Variants in AMMECR1 observed in about 807,000 individuals in gnomAD.
AMMECR1 encodes the protein nuclear protein AMMECR1.
A neutral mutation model predicts 22.5 loss-of-function variants in AMMECR1; 3 were observed. The observed-to-expected ratio is 0.13, with a 90% confidence interval of 0.06 to 0.35. The LOEUF (loss-of-function observed/expected upper bound fraction) is 0.35. AMMECR1 is among the 10% of genes least tolerant of loss of function. AMMECR1 has a pLI of 1.00. For synonymous variants in AMMECR1, 130 were observed against 116.7 expected (o/e 1.11, Z -0.74); for missense variants, 235 against 278.7 (o/e 0.84, Z 1.12).
intron 2 of AMMECR1, among the ~76,000 whole-genome samples, chrX:110,229,030 T>C (rs1303639912): frequency 8.9e-6 from 1 of 112,546 alleles, no homozygotes; most frequent in Non-Finnish European, 1.9e-5. Flanking sequence ...CAGGGCAAGA[T>C]AATCTCAACA....
At chrX:110,362,559 T>A (rs943388321) in intron 2 of AMMECR1, among the ~76,000 whole-genome samples, 3 of 112,476 alleles carry the variant, frequency 2.7e-5, no homozygotes, top group Middle Eastern at 4.6e-3. Flanking sequence ...GTTACTCTTA[T>A]GATATGAGAT....
At chrX:110,362,554 T>G (rs1264666249) in intron 2 of AMMECR1, among the ~76,000 whole-genome samples, 1 of 112,492 alleles carries the variant, frequency 8.9e-6, no homozygotes, top group Non-Finnish European at 1.9e-5. Flanking sequence ...CGACTGTTAC[T>G]CTTATGATAT....
chrX:110,306,295 AAAAAT>A (rs1401903123), intron 1 of AMMECR1, among the ~76,000 whole-genome samples: 2 of 110,839 alleles, frequency 1.8e-5, no homozygotes, highest in East Asian at 2.8e-4. Flanking sequence ...CTCCGTCTCG[AAAAAT>A]AAAATAAAAT....
intron 2 of AMMECR1, among the ~76,000 whole-genome samples, chrX:110,233,481 A>T (rs1483612938): frequency 5.3e-5 from 6 of 112,238 alleles, no homozygotes; most frequent in African/African-American, 1.9e-4. Context: ...AACTCATCTT[A>T]TGCGGTCAAC....
intron 2 of AMMECR1, among the ~76,000 whole-genome samples, chrX:110,333,481 G>T (rs983586142): frequency 1.8e-5 from 2 of 111,434 alleles, no homozygotes; most frequent in Admixed American, 9.5e-5. Context: ...CCATTACTGG[G>T]TATATACCCA....
chrX:110,397,011 C>T (rs776481210), intron 2 of AMMECR1, among the ~76,000 whole-genome samples: 12 of 111,838 alleles, frequency 1.1e-4, no homozygotes, highest in Non-Finnish European at 2.1e-4. Flanking sequence ...GAGCTGACTC[C>T]GGAGCCCACA....
intron 2 of AMMECR1, among the ~76,000 whole-genome samples, chrX:110,264,260 C>T (rs1263103196): frequency 2.1e-4 from 23 of 110,592 alleles, no homozygotes; most frequent in African/African-American, 7.2e-4. Flanking sequence ...AAAAACACTT[C>T]AAAACATCGA....
At chrX:110,224,929 A>G (rs1040444511) in intron 2 of AMMECR1, 10 of 340,072 alleles carry the variant, frequency 2.9e-5, no homozygotes, top group Non-Finnish European at 5.6e-5. Flanking sequence ...AGCAGTCTCC[A>G]AGCTGTTTTT....
At chrX:110,236,915 A>G (rs1444896876) in intron 2 of AMMECR1, among the ~76,000 whole-genome samples, 2 of 111,441 alleles carry the variant, frequency 1.8e-5, no homozygotes, top group Non-Finnish European at 3.8e-5. Flanking sequence ...GTTTGGCAAC[A>G]TTTTTCTATC....
chrX:110,390,508 A>C (rs1430967302), intron 2 of AMMECR1, among the ~76,000 whole-genome samples: 2 of 111,806 alleles, frequency 1.8e-5, no homozygotes, highest in African/African-American at 6.5e-5. Flanking sequence ...TTTTATCTTG[A>C]AATCAGATCT....
intron 2 of AMMECR1, among the ~76,000 whole-genome samples, chrX:110,367,695 C>G (rs938990501): frequency 9.0e-6 from 1 of 111,367 alleles, no homozygotes; most frequent in East Asian, 2.8e-4. Context: ...TCTCCCACAG[C>G]CTTCTTTATC....
chrX:110,399,126 C>T (rs1302547736), intron 2 of AMMECR1, among the ~76,000 whole-genome samples: 1 of 112,022 alleles, frequency 8.9e-6, no homozygotes, highest in Non-Finnish European at 1.9e-5. Flanking sequence ...ACAATGGACT[C>T]ACAATAACAA....
At chrX:110,294,509 T>A (rs2067924996) in intron 1 of AMMECR1, among the ~76,000 whole-genome samples, 1 of 111,985 alleles carries the variant, frequency 8.9e-6, no homozygotes, top group Non-Finnish European at 1.9e-5. Flanking sequence ...TCCCTGATCC[T>A]GACAGCCAGC....
At chrX:110,357,259 T>C in intron 2 of AMMECR1, among the ~76,000 whole-genome samples, 1 of 112,377 alleles carries the variant, frequency 8.9e-6, no homozygotes, top group Non-Finnish European at 1.9e-5. Context: ...GTATCTAATA[T>C]GTTTCACAGC....
At chrX:110,344,758 T>C (rs1434713227) in intron 2 of AMMECR1, among the ~76,000 whole-genome samples, 1 of 111,626 alleles carries the variant, frequency 9.0e-6, no homozygotes, top group Admixed American at 9.5e-5. Context: ...TCATCATCAC[T>C]GGCCATCAGA....
At chrX:110,330,069 A>T (rs2068114610) in intron 2 of AMMECR1, among the ~76,000 whole-genome samples, 1 of 111,704 alleles carries the variant, frequency 9.0e-6, no homozygotes, top group African/African-American at 3.3e-5. Context: ...TATGATTTTC[A>T]GCCTCAGCTG....
chrX:110,207,929 G>T (rs2067429568), intron 3 of AMMECR1, among the ~76,000 whole-genome samples: 1 of 111,185 alleles, frequency 9.0e-6, no homozygotes, highest in African/African-American at 3.3e-5. Flanking sequence ...GAAGCCAGGA[G>T]TCTGAGACCA....
intron 3 of AMMECR1, among the ~76,000 whole-genome samples, chrX:110,213,837 G>A (rs2067459237): frequency 1.8e-5 from 2 of 110,971 alleles, no homozygotes; most frequent in South Asian, 3.8e-4. Flanking sequence ...CTTATTCGTT[G>A]TATACAAATT....
intron 1 of AMMECR1, among the ~76,000 whole-genome samples, chrX:110,315,097 T>C (rs2068042130): frequency 8.9e-6 from 1 of 112,133 alleles, no homozygotes; most frequent in Admixed American, 9.4e-5. Context: ...ATATGTCTGT[T>C]TATGTCTTAT....
Sources: allele counts gnomAD v4.1 joint callset (sites outside exome capture counted in the v4.1 genomes callset), GRCh38; gene constraint gnomAD v4.1.1; transcripts MANE v1.5; gene names NCBI Gene and HGNC (gene_info 2026-07-23, HGNC 2026-07-21).